Variants in PPM1H observed in about 807,000 individuals in gnomAD.
PPM1H encodes the protein protein phosphatase, Mg2+/Mn2+ dependent 1H.
Under a neutral mutation model 54.9 loss-of-function variants are expected in PPM1H, and 27 were observed. The ratio of observed to expected loss-of-function variants is 0.49; its 90% CI spans 0.36 to 0.68. The LOEUF is 0.68. PPM1H is among the 30% of genes least tolerant of loss of function. The pLI, the probability that PPM1H is intolerant of heterozygous loss-of-function variation, is 0.00. For synonymous variants in PPM1H, 305 were observed against 270.8 expected (o/e 1.13, Z -1.24); for missense variants, 596 against 667.8 (o/e 0.89, Z 1.19).
intron 2 of PPM1H, among the ~76,000 whole-genome samples, chr12:62,810,566 A>G (rs2076829387): frequency 1.3e-5 from 2 of 152,162 alleles, no homozygotes; most frequent in South Asian, 4.1e-4. Context: ...TAACTCTAAG[A>G]TTTTGTGTTT....
intron 3 of PPM1H, among the ~76,000 whole-genome samples, chr12:62,791,646 C>T (rs767445861): frequency 5.3e-5 from 8 of 152,124 alleles, no homozygotes; most frequent in Non-Finnish European, 8.8e-5. Flanking sequence ...AAACGCCGGG[C>T]GTGGTGGCTC....
intron 2 of PPM1H, among the ~76,000 whole-genome samples, chr12:62,807,017 A>G (rs1017713302): frequency 6.6e-6 from 1 of 152,150 alleles, no homozygotes; most frequent in Non-Finnish European, 1.5e-5. Flanking sequence ...TTCATGAGAT[A>G]AGGAGGGGAG....
At chr12:62,755,203 C>A in intron 4 of PPM1H, 2 of 639,266 alleles carry the variant, frequency 3.1e-6, no homozygotes, top group South Asian at 1.5e-5. Context: ...CTCTCATTGA[C>A]AGCTGCATCC....
intron 6 of PPM1H, among the ~76,000 whole-genome samples, chr12:62,715,128 A>ACATAGAC (rs2076228001): frequency 6.6e-6 from 1 of 152,230 alleles, no homozygotes. Context: ...CAACTCGGTA[A>ACATAGAC]CATAGACACT....
chr12:62,841,093 G>A (rs1489555845), intron 1 of PPM1H, among the ~76,000 whole-genome samples: 1 of 152,106 alleles, frequency 6.6e-6, no homozygotes, highest in Non-Finnish European at 1.5e-5. Context: ...TGAGGAGAAT[G>A]AGGTGCCACT....
chr12:62,703,815 G>A lies in PPM1H; in HGVS notation c.1074-9816C>T, dbSNP rs2047107. ...GCAATGCAGGATTGGCAACCACCTC[G>A]TGCTTCCTTTTTTTCTGCCAGCCAT... On this transcript the variant is annotated intron_variant, in intron 6 of 9. Transcript: ENST00000228705. 1.1e-3 allele frequency among the ~76,000 whole-genome samples: 170 copies of A among 152,198 alleles called. 1 individual carries two copies. In the East Asian group the frequency reaches 0.021, roughly 19 times the overall value.
intron 4 of PPM1H, among the ~76,000 whole-genome samples, chr12:62,756,927 A>G (rs1409513352): frequency 6.6e-6 from 1 of 152,194 alleles, no homozygotes; most frequent in Non-Finnish European, 1.5e-5. Flanking sequence ...AGCCAAAGAC[A>G]GCATCTCCAA....
intron 4 of PPM1H, among the ~76,000 whole-genome samples, chr12:62,744,103 T>C (rs2076397049): frequency 6.6e-6 from 1 of 150,790 alleles, no homozygotes; most frequent in African/African-American, 2.4e-5. Context: ...ACAGCCTGAA[T>C]GTCTGTCAAA....
At chr12:62,667,570 T>C (rs771380842) in intron 8 of PPM1H, among the ~76,000 whole-genome samples, 28 of 152,190 alleles carry the variant, frequency 1.8e-4, no homozygotes, top group Non-Finnish European at 3.4e-4. Flanking sequence ...GTGGGCTTAG[T>C]AATTGACATA....
chr12:62,810,056 C>A (rs951045685), intron 2 of PPM1H, among the ~76,000 whole-genome samples: 1 of 152,112 alleles, frequency 6.6e-6, no homozygotes, highest in Non-Finnish European at 1.5e-5. Context: ...AGGTGTGTCT[C>A]ATTTGCTCTG....
At chr12:62,655,777 AG>A (rs2075840895) in intron 9 of PPM1H, among the ~76,000 whole-genome samples, 1 of 152,226 alleles carries the variant, frequency 6.6e-6, no homozygotes, top group South Asian at 2.1e-4. Context: ...ATGCTGGGCC[AG>A]GCTGCATTAG....
intron 4 of PPM1H, among the ~76,000 whole-genome samples, chr12:62,743,979 A>G (rs1264916084): frequency 2.0e-5 from 3 of 152,144 alleles, no homozygotes; most frequent in Non-Finnish European, 4.4e-5. Flanking sequence ...TACATATCCA[A>G]TGGTTCAGTC....
chr12:62,706,203 C>T (rs969953045), intron 6 of PPM1H, among the ~76,000 whole-genome samples: 13 of 152,330 alleles, frequency 8.5e-5, no homozygotes, highest in Admixed American at 2.6e-4. Context: ...GAGAGTTTTG[C>T]ACAAGCCTAC....
intron 9 of PPM1H, among the ~76,000 whole-genome samples, chr12:62,660,692 T>G (rs2075877776): frequency 6.6e-6 from 1 of 151,978 alleles, no homozygotes; most frequent in Admixed American, 6.6e-5. Context: ...AATCAAATAA[T>G]AAAAACAAAT....
chr12:62,897,781 A>C (rs1360050272), intron 1 of PPM1H, among the ~76,000 whole-genome samples: 2 of 152,128 alleles, frequency 1.3e-5, no homozygotes, highest in Non-Finnish European at 2.9e-5. Flanking sequence ...GGGTCTTGCC[A>C]ACTAACTATG....
intron 1 of PPM1H, among the ~76,000 whole-genome samples, chr12:62,920,508 G>A (rs1356381607): frequency 7.0e-6 from 1 of 142,682 alleles, no homozygotes; most frequent in East Asian, 2.1e-4. Context: ...TTTTTGTGGA[G>A]ACTGGGTCTT....
intron 2 of PPM1H, among the ~76,000 whole-genome samples, chr12:62,831,151 C>A (rs1312254348): frequency 6.6e-6 from 1 of 152,210 alleles, no homozygotes; most frequent in Non-Finnish European, 1.5e-5. Flanking sequence ...CCATGCCCAG[C>A]CGCAATGAGA....
intron 1 of PPM1H, among the ~76,000 whole-genome samples, chr12:62,867,968 T>C (rs1351174721): frequency 3.3e-5 from 5 of 151,746 alleles, no homozygotes; most frequent in African/African-American, 1.2e-4. Flanking sequence ...TTCCAGAGGG[T>C]TGGTTATGTT....
At chr12:62,680,837 T>A (rs967151683) in intron 8 of PPM1H, among the ~76,000 whole-genome samples, 1 of 152,216 alleles carries the variant, frequency 6.6e-6, no homozygotes, top group Non-Finnish European at 1.5e-5. Context: ...AGAGGAATTG[T>A]GTTGGGATAT....
Sources: gnomAD v4.1 joint callset for allele counts (sites outside exome capture counted in the v4.1 genomes callset) on GRCh38, gnomAD v4.1.1 for gene constraint, MANE v1.5 for transcripts, NCBI Gene and HGNC (gene_info 2026-07-23, HGNC 2026-07-21) for gene names.